Variants in CDH4 observed in about 807,000 individuals in gnomAD.
CDH4 encodes cadherin-4.
Under a neutral mutation model 86.0 loss-of-function variants are expected in CDH4, and 33 were observed. The ratio of observed to expected loss-of-function variants is 0.38; its 90% CI spans 0.29 to 0.51. The LOEUF (loss-of-function observed/expected upper bound fraction) is 0.51, where lower values mean the gene tolerates loss of function less well. Among genes scored for constraint, CDH4 ranks in the 20% least tolerant of loss-of-function variants. The probability of loss-of-function intolerance (pLI) is 0.86; values close to 1 mark genes in which losing one functional copy is unlikely to be tolerated. For synonymous variants in CDH4, 555 were observed against 549.4 expected (o/e 1.01, Z -0.14); for missense variants, 1,114 against 1,307.4 (o/e 0.85, Z 2.28).
At chr20:61,268,048 A>C (rs1404113183) in intron 2 of CDH4, among the ~76,000 whole-genome samples, 2 of 152,194 alleles carry the variant, frequency 1.3e-5, no homozygotes, top group Admixed American at 6.5e-5. Flanking sequence ...TGTACTTGAC[A>C]GGGGAATGCT....
intron 2 of CDH4, among the ~76,000 whole-genome samples, chr20:61,296,286 T>TGTGTGTGTGC (rs1568786636): frequency 1.6e-5 from 2 of 128,312 alleles, no homozygotes; most frequent in Admixed American, 1.6e-4. Flanking sequence ...CGTGGGTGCG[T>TGTGTGTGTGC]GTGTGTGTGT....
rs567679534 is a variant in CDH4 at position 61,426,182 on chromosome 20, G to A, written c.169+171245G>A. ...ATGTATTCAATGGGGGTTTCTAGTT[G>A]TTTTGTTTCTTTTTCATCTGAGAGT... is the stretch of plus-strand genomic sequence containing the variant. On this transcript the variant is annotated intron_variant, in intron 2 of 15. Coordinates refer to ENST00000614565, the MANE Select transcript of CDH4 (RefSeq NM_001794.5). 1.4e-3 allele frequency among the ~76,000 whole-genome samples: 219 copies of A among 152,274 alleles called. 1 individual carries two copies. The highest frequency in any genetic ancestry group is 5.0e-3 in the African/African-American group (208 of 41,564).
chr20:61,905,402 G>A (rs936750807), intron 8 of CDH4, among the ~76,000 whole-genome samples: 2 of 152,248 alleles, frequency 1.3e-5, no homozygotes, highest in Admixed American at 6.5e-5. Context: ...GGACGGGAGT[G>A]AGTGGAGAAG....
At chr20:61,767,983 C>A (rs538169826) in intron 3 of CDH4, among the ~76,000 whole-genome samples, 21 of 152,288 alleles carry the variant, frequency 1.4e-4, no homozygotes, top group African/African-American at 4.8e-4. Flanking sequence ...CGACAGTGGG[C>A]GGCTGCCTTG....
intron 3 of CDH4, among the ~76,000 whole-genome samples, chr20:61,746,885 G>T (rs1318583326): frequency 1.3e-5 from 2 of 152,238 alleles, no homozygotes; most frequent in Non-Finnish European, 2.9e-5. Context: ...GGGGGTCACT[G>T]TGGGACGCTG....
intron 4 of CDH4, among the ~76,000 whole-genome samples, chr20:61,785,760 C>G (rs890081107): frequency 7.9e-5 from 12 of 152,228 alleles, no homozygotes; most frequent in African/African-American, 2.9e-4. Flanking sequence ...AAGGAGCCAC[C>G]TGGAGAGAGA....
At chr20:61,691,339 A>G (rs916195149) in intron 2 of CDH4, among the ~76,000 whole-genome samples, 2 of 149,524 alleles carry the variant, frequency 1.3e-5, no homozygotes, top group East Asian at 2.0e-4. Context: ...GGATGTGTGT[A>G]TGTGTGTGTA....
At chr20:61,548,089 C>A (rs1171016836) in intron 2 of CDH4, among the ~76,000 whole-genome samples, 2 of 152,194 alleles carry the variant, frequency 1.3e-5, no homozygotes, top group Non-Finnish European at 2.9e-5. Flanking sequence ...CCCAGCCCTA[C>A]CCCAGTGTCC....
chr20:61,545,468 G>A (rs765898329), intron 2 of CDH4, among the ~76,000 whole-genome samples: 9 of 152,224 alleles, frequency 5.9e-5, no homozygotes, highest in Non-Finnish European at 8.8e-5. Context: ...CAGGCTGCAC[G>A]GTGTCCCTCA....
chr20:61,528,466 A>AGGAGAGGGGAGGGG (rs2085928715), intron 2 of CDH4, among the ~76,000 whole-genome samples: 1 of 8,172 alleles, frequency 1.2e-4, no homozygotes, highest in African/African-American at 4.7e-4. Flanking sequence ...GGGGAGAGGG[A>AGGAGAGGGGAGGGG]GGGGGAGGGG....
At chr20:61,401,038 C>T (rs2145479223) in intron 2 of CDH4, among the ~76,000 whole-genome samples, 1 of 152,346 alleles carries the variant, frequency 6.6e-6, no homozygotes, top group African/African-American at 2.4e-5. Context: ...CCAGACAAGT[C>T]CAGAGCTCCT....
intron 2 of CDH4, among the ~76,000 whole-genome samples, chr20:61,647,548 T>TCCCG (rs1252100896): frequency 9.2e-6 from 1 of 108,484 alleles, no homozygotes. Context: ...TCCCTCTCCC[T>TCCCG]CTCCCTCTCC....
At chr20:61,525,673 C>G (rs1347098546) in intron 2 of CDH4, among the ~76,000 whole-genome samples, 2 of 152,184 alleles carry the variant, frequency 1.3e-5, no homozygotes, top group Admixed American at 6.5e-5. Context: ...TTTCTCCTTA[C>G]TTACTGTTAT....
At chr20:61,483,129 GTGGGAGTCC>G (rs1227789953) in intron 2 of CDH4, among the ~76,000 whole-genome samples, 1 of 152,242 alleles carries the variant, frequency 6.6e-6, no homozygotes, top group African/African-American at 2.4e-5. Flanking sequence ...GCCCAGAGCT[GTGGGAGTCC>G]AGGTAGATAG....
intron 8 of CDH4, among the ~76,000 whole-genome samples, chr20:61,899,411 G>T (rs927302854): frequency 6.6e-6 from 1 of 152,122 alleles, no homozygotes; most frequent in African/African-American, 2.4e-5. Flanking sequence ...TCCCAAGCAA[G>T]CATGAATAAA....
intron 2 of CDH4, among the ~76,000 whole-genome samples, chr20:61,405,890 C>T (rs990688351): frequency 3.3e-5 from 5 of 152,122 alleles, no homozygotes; most frequent in Non-Finnish European, 7.4e-5. Context: ...CCGTGTTAGC[C>T]AAGATGGTCT....
chr20:61,636,104 C>T (rs946255505), intron 2 of CDH4, among the ~76,000 whole-genome samples: 8 of 152,214 alleles, frequency 5.3e-5, no homozygotes, highest in Admixed American at 3.9e-4. Flanking sequence ...GTCATTCTTC[C>T]GAGTTTTTTC....
chr20:61,844,832 C>A lies in CDH4; in HGVS notation c.732+9C>A. ...AGCACGCCTCTTACCACGTGAGTGT[C>A]CACACCCGGCTGAGAATGGGGCCCT... is the stretch of plus-strand genomic sequence containing the variant. On this transcript the variant is annotated intron_variant, in intron 5 of 15. Transcript: ENST00000614565. The A allele has an allele frequency of 6.2e-7, 1 of 1,606,330 alleles. No individual in the cohort carries two copies. The highest frequency in any genetic ancestry group is 8.5e-7 in the Non-Finnish European group (1 of 1,174,936).
chr20:61,871,039 ATGTGTGTG>A (rs10590544), intron 6 of CDH4, among the ~76,000 whole-genome samples: 6 of 149,742 alleles, frequency 4.0e-5, no homozygotes, highest in African/African-American at 9.8e-5. Context: ...TATTTATAGG[ATGTGTGTG>A]TGTGTGTGTG....
Sources: gnomAD v4.1 joint callset for allele counts (sites outside exome capture counted in the v4.1 genomes callset) on GRCh38, gnomAD v4.1.1 for gene constraint, MANE v1.5 for transcripts, NCBI Gene and HGNC (gene_info 2026-07-23, HGNC 2026-07-21) for gene names.